MAPK10: variants seen among roughly 807,000 people sequenced by gnomAD.
The protein encoded by MAPK10 is mitogen-activated protein kinase 10.
A neutral mutation model predicts 59.3 loss-of-function variants in MAPK10; 25 were observed. The observed-to-expected ratio is 0.42, with a 90% CI of 0.31 to 0.59. MAPK10 has a LOEUF of 0.59. MAPK10 is among the 20% of genes least tolerant of loss of function. MAPK10 has a pLI of 0.15. For synonymous variants in MAPK10, 190 were observed against 200.5 expected (o/e 0.95, Z 0.44); for missense variants, 351 against 568.9 (o/e 0.62, Z 3.90).
At chr4:86,218,227 G>A (rs1017466424) in intron 2 of MAPK10, among the ~76,000 whole-genome samples, 2 of 151,926 alleles carry the variant, frequency 1.3e-5, no homozygotes, top group Admixed American at 1.3e-4. Context: ...ATTTTGAGAC[G>A]GAGTCTCACG....
Position 86,193,629 on chromosome 4 carries a change from G to A in MAPK10, c.66+707C>T, listed in dbSNP as rs76191865. On this transcript the variant is annotated intron_variant, in intron 3 of 13. Transcript: ENST00000641462. ...CAACCAAGCTTGAGCATCCCAGGTC[G>A]ACTTCATACTGCTGTGCTGTCAGTG... is the stretch of plus-strand genomic sequence containing the variant. 367 of 152,510 alleles carry A rather than the reference G, an allele frequency of 2.4e-3. 11 individuals carry two copies. The East Asian group carries it at 0.058, about 24-fold the overall frequency. 9.4% of individuals were successfully genotyped at this position (152,510 alleles called of 1,614,324 possible).
chr4:86,584,521 G>A (rs1578184337), intron 1 of MAPK10, among the ~76,000 whole-genome samples: 2 of 152,258 alleles, frequency 1.3e-5, no homozygotes, highest in South Asian at 4.1e-4. Context: ...ACAGATCACA[G>A]AAGCCTCCAC....
At chr4:86,026,113 T>A (rs565080444) in intron 13 of MAPK10, among the ~76,000 whole-genome samples, 3 of 152,302 alleles carry the variant, frequency 2.0e-5, no homozygotes, top group Non-Finnish European at 4.4e-5. Flanking sequence ...ACCCAGAAGC[T>A]TTATCTTTGA....
chr4:86,417,107 G>C (rs1383500157), intron 1 of MAPK10, among the ~76,000 whole-genome samples: 1 of 152,168 alleles, frequency 6.6e-6, no homozygotes, highest in African/African-American at 2.4e-5. Context: ...GGTACTCATA[G>C]AATTAGTAAA....
chr4:86,207,685 A>T (rs984631703), intron 2 of MAPK10, among the ~76,000 whole-genome samples: 1 of 152,020 alleles, frequency 6.6e-6, no homozygotes, highest in African/African-American at 2.4e-5. Context: ...ATGAGCATGG[A>T]ATGTTCTTCC....
intron 2 of MAPK10, among the ~76,000 whole-genome samples, chr4:86,198,280 C>T (rs1239416863): frequency 1.3e-5 from 2 of 152,024 alleles, no homozygotes; most frequent in East Asian, 3.9e-4. Context: ...ATGATTCCTG[C>T]CCATTACAAA....
intron 2 of MAPK10, among the ~76,000 whole-genome samples, chr4:86,322,482 A>G (rs1220235276): frequency 1.3e-5 from 2 of 152,210 alleles, no homozygotes; most frequent in Non-Finnish European, 2.9e-5. Context: ...AACGATGCCT[A>G]TAAAAAAGTC....
intron 1 of MAPK10, among the ~76,000 whole-genome samples, chr4:86,475,666 C>T (rs1356002513): frequency 1.3e-5 from 2 of 152,158 alleles, no homozygotes; most frequent in South Asian, 2.1e-4. Flanking sequence ...TGCCTTGGTC[C>T]TTCACCCTTA....
intron 2 of MAPK10, among the ~76,000 whole-genome samples, chr4:86,353,020 T>C (rs999173646): frequency 6.6e-6 from 1 of 152,194 alleles, no homozygotes; most frequent in Non-Finnish European, 1.5e-5. Flanking sequence ...TGTTAAAAAA[T>C]GTTCCCACTG....
At chr4:86,210,348 G>A in intron 2 of MAPK10, among the ~76,000 whole-genome samples, 1 of 150,822 alleles carries the variant, frequency 6.6e-6, no homozygotes, top group East Asian at 2.0e-4. Context: ...CCAAAGAATG[G>A]GAGAAAATAT....
chr4:86,207,244 C>A (rs967625919), intron 2 of MAPK10, among the ~76,000 whole-genome samples: 8 of 151,428 alleles, frequency 5.3e-5, no homozygotes, highest in Non-Finnish European at 1.0e-4. Context: ...GGAAGGGATC[C>A]AGTTTCAGCT....
chr4:86,507,653 T>C lies in MAPK10; in HGVS notation c.-263+86257A>G, dbSNP rs369178078. ...ATATATATATATATATATATATATATATATATATATATATATATAAAATCA... is the reference window on the plus strand; with the variant it reads ...ATATATATATATATATATATATATACATATATATATATATATATAAAATCA... On this transcript the variant is annotated intron_variant, in intron 1 of 4. Coordinates refer to the MAPK10 transcript ENST00000502302. Among the ~76,000 whole-genome samples, 464 of 88,900 alleles carry C rather than the reference T, an allele frequency of 5.2e-3. 15 individuals are homozygous for C. Among genetic ancestry groups the C allele is most frequent in the South Asian group, 0.011 (32 of 2,930 alleles). 58.3% of individuals were successfully genotyped at this position (88,900 alleles called of 152,430 possible). A position where few individuals can be genotyped will look rare whatever the true frequency, so the allele number is the denominator to read the frequency against.
Position 86,198,770 on chromosome 4 carries a change from T to G in MAPK10, c.-6-4363A>C, listed in dbSNP as rs115683554. ...ATCTGTGTATTAAAATATGTGATAA[T>G]TAGTATAAAAAGTAGTCCACATGTT... On this transcript the variant is annotated intron_variant, in intron 2 of 13. Coordinates refer to ENST00000641462, the MANE Select transcript of MAPK10 (RefSeq NM_138982.4). Among the ~76,000 whole-genome samples, 1,340 of 151,578 alleles carry G rather than the reference T, an allele frequency of 8.8e-3. 24 individuals carry two copies. Among genetic ancestry groups the G allele is most frequent in the African/African-American group, 0.03 (1,227 of 41,414 alleles).
chr4:86,304,387 C>CTTT lies in MAPK10; in HGVS notation c.-7+50140_-7+50142dup, dbSNP rs1162506350. 3.0e-3 allele frequency among the ~76,000 whole-genome samples: 332 copies of CTTT among 112,536 alleles called. 1 individual carries two copies. Among genetic ancestry groups the CTTT allele is most frequent in the African/African-American group, 6.8e-3 (180 of 26,624 alleles). 73.8% of individuals were successfully genotyped at this position (112,536 alleles called of 152,430 possible). On this transcript the variant is annotated intron_variant, in intron 2 of 13. Transcript: ENST00000641462. Reference sequence around the variant, plus strand: ...CATTGTGGCTTGTTTTGGAGTATTTCTTTTTTTTTTTTTTTTTTTTTTTGA... The same window carrying CTTT: ...CATTGTGGCTTGTTTTGGAGTATTTCTTTTTTTTTTTTTTTTTTTTTTTTTTGA...
intron 1 of MAPK10, among the ~76,000 whole-genome samples, chr4:86,459,042 A>G (rs1751489832): frequency 6.6e-6 from 1 of 152,218 alleles, no homozygotes; most frequent in Admixed American, 6.5e-5. Flanking sequence ...AGAATCTACA[A>G]TGAACTCAAA....
Position 86,226,817 on chromosome 4 carries a change from T to C in MAPK10, c.-6-32410A>G, listed in dbSNP as rs113200421. ...CAAGCAGGTCTGAAAGCCATTTCCA[T>C]AGTGAGAATGAATTCCTGAAGAATC... On this transcript the variant is annotated intron_variant, in intron 2 of 13. Transcript: ENST00000641462. Among the ~76,000 whole-genome samples the C allele has an allele frequency of 2.4e-4, 37 of 152,270 alleles. 1 individual carries two copies. The highest frequency in any genetic ancestry group is 7.2e-4 in the African/African-American group (30 of 41,514).
chr4:86,162,058 TGATGATATAC>T (rs1439067054), intron 3 of MAPK10, among the ~76,000 whole-genome samples: 2 of 151,904 alleles, frequency 1.3e-5, no homozygotes, highest in Non-Finnish European at 2.9e-5. Context: ...CAACAAATGC[TGATGATATAC>T]ATATTATTTG....
intron 2 of MAPK10, among the ~76,000 whole-genome samples, chr4:86,272,662 A>C (rs2094467692): frequency 6.6e-6 from 1 of 152,014 alleles, no homozygotes; most frequent in African/African-American, 2.4e-5. Flanking sequence ...TGCTTAATGT[A>C]ACTCTTGTCT....
At chr4:86,095,831 T>C (rs1561625118) in intron 9 of MAPK10, 1 of 151,910 alleles carries the variant, frequency 6.6e-6, no homozygotes, top group Non-Finnish European at 1.5e-5. Context: ...TAAATGTAAC[T>C]ATAACTTTAA....
Sources: gnomAD v4.1 joint callset for allele counts (sites outside exome capture counted in the v4.1 genomes callset) on GRCh38, gnomAD v4.1.1 for gene constraint, MANE v1.5 for transcripts, NCBI Gene and HGNC (gene_info 2026-07-23, HGNC 2026-07-21) for gene names.